Variants in DDHD2 observed in about 807,000 individuals in gnomAD.
The protein encoded by DDHD2 is DDHD domain containing 2.
DDHD2 carries 62 observed loss-of-function variants against 91.2 expected under a neutral mutation model. The observed-to-expected ratio is 0.68, with a 90% confidence interval of 0.55 to 0.84. DDHD2 has a LOEUF of 0.84. Ranked by LOEUF, DDHD2 falls within the 40% of genes least tolerant of loss-of-function variation. DDHD2 has a pLI of 0.00. For missense variants in DDHD2, 740 were observed against 846.9 expected, an observed-to-expected ratio of 0.87 and a Z score of 1.57; for synonymous variants, 271 against 293.9, an observed-to-expected ratio of 0.92 and a Z score of 0.80.
At chr8:38,271,039 G>A (rs1808455241) in intron 1 of DDHD2, 1 of 152,178 alleles carries the variant, frequency 6.6e-6, no homozygotes, top group Non-Finnish European at 1.5e-5. Flanking sequence ...GAAAGAAGAT[G>A]TGCTTGGGGA....
At chr8:38,269,024 C>T in intron 1 of DDHD2, 1 of 1,543,356 alleles carries the variant, frequency 6.5e-7, no homozygotes, top group Non-Finnish European at 8.7e-7. Context: ...GAGCAGGTCG[C>T]CTGGCTTCCT....
intron 16 of DDHD2, 87 bp from the exon 17 acceptor site, chr8:38,259,953 G>A: frequency 1.2e-6 from 1 of 847,452 alleles, no homozygotes; most frequent in Non-Finnish European, 2.0e-6. Context: ...TTGCAAGATG[G>A]TTGTATGGAT....
chr8:38,249,839 T>G, intron 11 of DDHD2, 36 bp downstream of exon 11: 1 of 1,384,110 alleles, frequency 7.2e-7, no homozygotes, highest in Non-Finnish European at 1.0e-6. Context: ...ACTAAACAAT[T>G]CTTTGATGTC....
At chr8:38,235,442 C>A (rs1804638054) in intron 3 of DDHD2, among the ~76,000 whole-genome samples, 1 of 152,010 alleles carries the variant, frequency 6.6e-6, no homozygotes, top group South Asian at 2.1e-4. Flanking sequence ...AAAAAATACT[C>A]CGGGCCTGGT....
chr8:38,265,840 CAATG>C (rs1457800555), downstream of DDHD2, among the ~76,000 whole-genome samples: 3 of 152,188 alleles, frequency 2.0e-5, no homozygotes, highest in African/African-American at 7.2e-5. Flanking sequence ...AGTCCTATGA[CAATG>C]AACCTGATTT....
chr8:38,266,198 G>A (rs765352987), downstream of DDHD2: 20 of 1,613,958 alleles, frequency 1.2e-5, no homozygotes, highest in Non-Finnish European at 1.5e-5. Flanking sequence ...GCTGCAAAAA[G>A]TAGAGGTGAC....
intron 11 of DDHD2, chr8:38,251,364 T>A (rs1342202413): frequency 6.6e-6 from 1 of 152,600 alleles, no homozygotes; most frequent in African/African-American, 2.4e-5. Flanking sequence ...CTTTTCCAAC[T>A]TTTTAGCAGG....
At position 38,260,957 on chromosome 8, in the gene DDHD2, T is replaced by C. The variant is rs947573573; in HGVS notation, c.*384T>C. 2 of 152,212 alleles carry C rather than the reference T, an allele frequency of 1.3e-5. No individual in the cohort carries two copies. The highest frequency in any genetic ancestry group is 2.4e-5 in the African/African-American group (1 of 41,446). The allele number at this position is 152,212 out of a possible 1,614,324, so 9.4% of individuals were successfully genotyped here. Reference sequence around the variant, plus strand: ...GGTAGACATGTTTTTAAGGAACTTATTGCTTATCTTTAGAAAATGTTCTAG... The same window carrying C: ...GGTAGACATGTTTTTAAGGAACTTACTGCTTATCTTTAGAAAATGTTCTAG... On this transcript the variant is annotated 3_prime_UTR_variant, in exon 18 of 18. Transcript: ENST00000397166.
At chr8:38,238,396 T>C in intron 5 of DDHD2, 187 bp downstream of exon 5, 1 of 1,358,874 alleles carries the variant, frequency 7.4e-7, no homozygotes, top group Non-Finnish European at 9.5e-7. Flanking sequence ...AAAATATCTT[T>C]TAAAACATAT....
At position 38,246,299 on chromosome 8, in the gene DDHD2, A is replaced by G; in HGVS notation, c.1124A>G (p.Lys375Arg). The stretch of plus-strand genomic sequence containing the variant: ...TCTTTGGGGGATATTGACAGTGAAA[A>G]GGTAATTTAGATGTTCAGCTAGGTT... The part of the protein sequence containing the change: ...KDSLGDIDSE[K>R]DSLNIVMDQG... The change falls in exon 9 of 18, where the codon AAG (lysine) becomes AGG (arginine). Residue 375 changes from lysine (K) to arginine (R), a missense_variant and splice_region_variant. By Grantham distance (26) the Lys-to-Arg change is conservative. Coordinates refer to ENST00000397166, the MANE Select transcript of DDHD2 (RefSeq NM_015214.3). 1 of 1,602,846 alleles carries G rather than the reference A, an allele frequency of 6.2e-7. No homozygotes were observed.
At chr8:38,267,312 CGTCCT>C (rs1807780845), downstream of DDHD2, 1 of 1,613,908 alleles carries the variant, frequency 6.2e-7, no homozygotes, top group African/African-American at 1.3e-5. Flanking sequence ...TCATTCACCA[CGTCCT>C]TATCCCCTGT....
rs1804432046 is a variant in DDHD2, at chr8:38,233,221, G to A, written c.220+7G>A. On this transcript the variant is annotated splice_region_variant and intron_variant, in intron 2 of 17. Transcript: ENST00000397166. ...GAAGAGGCATATAGCTCTGGTAGGTGAAAATTATGACTTGGAATAGACAAA... is the reference window on the plus strand; with the variant it reads ...GAAGAGGCATATAGCTCTGGTAGGTAAAAATTATGACTTGGAATAGACAAA... The A allele has an allele frequency of 1.2e-6, 2 of 1,600,186 alleles. No individual in the cohort carries two copies. Among genetic ancestry groups the A allele is most frequent in the Non-Finnish European group, 1.7e-6 (2 of 1,168,382 alleles).
chr8:38,267,095 T>C (rs757662132), downstream of DDHD2: 110 of 1,463,510 alleles, frequency 7.5e-5, no homozygotes, highest in Middle Eastern at 1.5e-3. Flanking sequence ...CTGTAATATT[T>C]ACCCAAATAG....
downstream of DDHD2, chr8:38,263,635 C>T (rs1362389793): frequency 2.0e-6 from 2 of 985,256 alleles, no homozygotes; most frequent in African/African-American, 3.5e-5. Flanking sequence ...ATAAATTACC[C>T]TAGATTCGAC....
rs1353606371 is a variant in DDHD2 at position 38,251,957 on chromosome 8, C to G, written c.1390C>G (p.Pro464Ala). 1 of 1,614,076 alleles carries G rather than the reference C, an allele frequency of 6.2e-7. No individual in the cohort carries two copies. The highest frequency in any genetic ancestry group is 2.2e-5 in the East Asian group (1 of 44,882). ...APQPASGANI[P>A]KESEFCSSSN... The stretch of plus-strand genomic sequence containing the variant: ...GCAGCCTGCTTCAGGGGCAAACATC[C>G]CCAAAGAATCTGAGTTCTGCAGTAG... Residue 464 changes from proline (P) to alanine (A), a missense_variant, in exon 12 of 18, where the codon CCC becomes GCC. By Grantham distance (27) the Pro-to-Ala change is conservative. This residue lies in a region of DDHD2 where 693 missense variants were observed against 764.2 expected (regional missense o/e 0.91). Transcript: ENST00000397166.
intron 9 of DDHD2, 103 bp from the exon 10 acceptor site, chr8:38,247,609 TA>T (rs369977587): frequency 1.4e-6 from 1 of 695,916 alleles, no homozygotes; most frequent in Middle Eastern, 4.6e-4. Flanking sequence ...TTGTTAAAGT[TA>T]AGATACATTG....
rs1037649662 is a variant in DDHD2 at position 38,261,534 on chromosome 8, T to C, written c.*961T>C. The C allele has an allele frequency of 2.6e-5, 4 of 152,158 alleles. No individual in the cohort carries two copies. The highest frequency in any genetic ancestry group is 9.7e-5 in the African/African-American group (4 of 41,442). 9.4% of individuals were successfully genotyped at this position (152,158 alleles called of 1,614,324 possible). A position where few individuals can be genotyped will look rare whatever the true frequency, so the allele number is the denominator to read the frequency against. On this transcript the variant is annotated 3_prime_UTR_variant, in exon 18 of 18. Transcript: ENST00000397166. ...TAGTATTGTGTATCCTCTTTCCTTC[T>C]TAGGTATCCATAATCCACAAAGCAT... is the stretch of plus-strand genomic sequence containing the variant.
At chr8:38,242,068 A>G (rs1805307444) in intron 6 of DDHD2, 182 bp from the exon 7 acceptor site, 5 of 547,280 alleles carry the variant, frequency 9.1e-6, no homozygotes, top group Non-Finnish European at 1.2e-5. Flanking sequence ...AAAAAAAGTT[A>G]TTAAAGAAAC....
chr8:38,264,385 AGCCTCCCAAAGTGTTGG>A (rs1246993589), downstream of DDHD2: 229 of 1,355,598 alleles, frequency 1.7e-4, no homozygotes, highest in Non-Finnish European at 2.2e-4. Context: ...CACCCTCCTC[AGCCTCCCAAAGTGTTGG>A]GATTACAGGC....
Sources: gnomAD v4.1 joint callset for allele counts (sites outside exome capture counted in the v4.1 genomes callset) on GRCh38, gnomAD v4.1.1 for gene constraint, gnomAD v4.1.1 regional missense constraint, MANE v1.5 for transcripts, NCBI Gene and HGNC (gene_info 2026-07-23, HGNC 2026-07-21) for gene names.